SYN3: variants seen among roughly 807,000 people sequenced by gnomAD.
The protein encoded by SYN3 is synapsin III, also known as synapsin-3.
A neutral mutation model predicts 65.8 loss-of-function variants in SYN3; 35 were observed. That is an observed-to-expected ratio of 0.53 (90% confidence interval 0.41 to 0.70). SYN3 has a LOEUF of 0.70. Among genes scored for constraint, SYN3 ranks in the 30% least tolerant of loss-of-function variants. The pLI, the probability that SYN3 is intolerant of heterozygous loss-of-function variation, is 0.00. For missense variants in SYN3, 680 were observed against 749.0 expected, an observed-to-expected ratio of 0.91 and a Z score of 1.08; for synonymous variants, 270 against 292.9, an observed-to-expected ratio of 0.92 and a Z score of 0.80.
intron 1 of SYN3, chr22:33,015,449 C>T (rs546966561): frequency 3.6e-4 from 96 of 264,784 alleles, no homozygotes; most frequent in African/African-American, 1.8e-3. Flanking sequence ...ATTCAGATAT[C>T]AACAAAAACT....
At chr22:32,949,853 A>G (rs527959181) in intron 3 of SYN3, among the ~76,000 whole-genome samples, 1 of 152,312 alleles carries the variant, frequency 6.6e-6, no homozygotes, top group South Asian at 2.1e-4. Context: ...GACGTGGATG[A>G]CTGACTGGAA....
At chr22:32,751,157 C>T (rs766645105) in intron 6 of SYN3, among the ~76,000 whole-genome samples, 3 of 151,932 alleles carry the variant, frequency 2.0e-5, no homozygotes, top group Non-Finnish European at 2.9e-5. Flanking sequence ...CCAGGAGGGA[C>T]GCTGGTGAGT....
intron 1 of SYN3, among the ~76,000 whole-genome samples, chr22:33,016,709 GA>G: frequency 6.6e-6 from 1 of 152,216 alleles, no homozygotes; most frequent in Middle Eastern, 3.4e-3. Context: ...CTTCTTTTGA[GA>G]AATGTCTATT....
intron 6 of SYN3, among the ~76,000 whole-genome samples, chr22:32,714,102 A>T (rs1165585963): frequency 6.6e-6 from 1 of 152,144 alleles, no homozygotes; most frequent in African/African-American, 2.4e-5. Flanking sequence ...GAATGCCTTT[A>T]GCTGATAAGG....
In SYN3 at chr22:33,025,197, C is replaced by T. The variant is rs111562436; in HGVS notation, c.-162-18373G>A. ...TACTGCCAGGCATGGTGGCTCACGC[C>T]TGTAATCCCAGCACTTTGGGAGGCC... is the stretch of plus-strand genomic sequence containing the variant. On this transcript the variant is annotated intron_variant, in intron 1 of 13. Transcript: ENST00000358763. Among the ~76,000 whole-genome samples, 601 of 152,140 alleles carry T rather than the reference C, an allele frequency of 4.0e-3. 3 individuals are homozygous for T. The highest frequency in any genetic ancestry group is 0.014 in the African/African-American group (577 of 41,514).
At chr22:32,878,579 C>G (rs1321538797) in intron 4 of SYN3, among the ~76,000 whole-genome samples, 1 of 152,182 alleles carries the variant, frequency 6.6e-6, no homozygotes, top group African/African-American at 2.4e-5. Flanking sequence ...AAGCAGGTAC[C>G]ACCATGGTTG....
intron 6 of SYN3, among the ~76,000 whole-genome samples, chr22:32,679,768 A>G (rs1037449145): frequency 1.6e-4 from 21 of 127,578 alleles, no homozygotes; most frequent in African/African-American, 6.2e-4. Flanking sequence ...AGCCATTTGT[A>G]TGTCTTCTTT....
At chr22:32,685,998 A>G (rs903628397) in intron 6 of SYN3, among the ~76,000 whole-genome samples, 4 of 152,246 alleles carry the variant, frequency 2.6e-5, no homozygotes, top group African/African-American at 7.2e-5. Context: ...ATATGATCCC[A>G]ATTTTATCAA....
At chr22:32,943,451 A>C (rs2146773820) in intron 3 of SYN3, among the ~76,000 whole-genome samples, 1 of 152,374 alleles carries the variant, frequency 6.6e-6, no homozygotes, top group East Asian at 1.9e-4. Flanking sequence ...AGGAAGCACT[A>C]AACATGGAAA....
At chr22:32,531,789 T>C (rs2710371) in intron 10 of SYN3, among the ~76,000 whole-genome samples, 2,673 of 115,504 alleles carry the variant, frequency 0.023, 53 homozygotes, top group African/African-American at 0.062. Context: ...GAAACAACTC[T>C]GCAATGTTTC....
rs199698408 is a variant in SYN3, at chr22:32,869,093, C to T, written c.494G>A (p.Arg165His). Residue 165 changes from arginine to histidine, a missense_variant, in exon 5 of 14, where the codon CGC (arginine) becomes CAC (histidine). Arg to His is a conservative substitution (Grantham distance 29). Transcript: ENST00000358763. Reference protein sequence around the residue: ...RSFKPDFILVRQHAYSMALGE... With the variant: ...RSFKPDFILVHQHAYSMALGE... ...CAGGGCCATGCTGTAGGCATGCTGGCGGACCAGGATGAAGTCTGGCTTGAA... is the reference window on the plus strand; with the variant it reads ...CAGGGCCATGCTGTAGGCATGCTGGTGGACCAGGATGAAGTCTGGCTTGAA... The T allele has an allele frequency of 1.4e-5, 23 of 1,613,556 alleles. No homozygotes were observed. The highest frequency in any genetic ancestry group is 1.4e-5 in the Non-Finnish European group (17 of 1,179,740).
chr22:33,044,233 C>T (rs927980947), intron 1 of SYN3, among the ~76,000 whole-genome samples: 3 of 152,164 alleles, frequency 2.0e-5, no homozygotes, highest in Non-Finnish European at 2.9e-5. Context: ...AGGTACAGTG[C>T]GTTCTTCCAC....
chr22:32,905,607 A>G (rs1316483021), intron 4 of SYN3, among the ~76,000 whole-genome samples: 1 of 152,230 alleles, frequency 6.6e-6, no homozygotes, highest in African/African-American at 2.4e-5. Flanking sequence ...GCATGATTCT[A>G]TCTGGTTAAA....
At chr22:32,909,887 T>C (rs2050007415) in intron 4 of SYN3, among the ~76,000 whole-genome samples, 1 of 152,110 alleles carries the variant, frequency 6.6e-6, no homozygotes, top group South Asian at 2.1e-4. Flanking sequence ...GGGGCACCTG[T>C]CAGCATTTGC....
chr22:32,787,060 T>A (rs1008058935), intron 6 of SYN3, among the ~76,000 whole-genome samples: 1 of 834 alleles, frequency 1.2e-3, no homozygotes, highest in African/African-American at 0.023. Context: ...TTTCTTTTCT[T>A]TTTTTTTTTT....
chr22:32,700,208 C>G (rs1198389821), intron 6 of SYN3, among the ~76,000 whole-genome samples: 1 of 152,172 alleles, frequency 6.6e-6, no homozygotes, highest in Non-Finnish European at 1.5e-5. Flanking sequence ...ACTATGGAGA[C>G]TATAAGAGTC....
At chr22:32,925,409 G>A (rs766865474) in intron 4 of SYN3, among the ~76,000 whole-genome samples, 1 of 152,214 alleles carries the variant, frequency 6.6e-6, no homozygotes, top group Non-Finnish European at 1.5e-5. Context: ...TTTTCCAGGG[G>A]AGCATAATTC....
chr22:32,986,011 C>T (rs1167155267), intron 2 of SYN3, among the ~76,000 whole-genome samples: 1 of 152,102 alleles, frequency 6.6e-6, no homozygotes, highest in African/African-American at 2.4e-5. Flanking sequence ...TGTCATTACA[C>T]ATCACTTAGC....
chr22:32,961,948 C>T (rs936506234), intron 3 of SYN3, among the ~76,000 whole-genome samples: 11 of 152,080 alleles, frequency 7.2e-5, no homozygotes, highest in African/African-American at 2.4e-4. Context: ...CCCCAGGTAA[C>T]AGGAGGCAAA....
Sources: gnomAD v4.1 joint callset for allele counts (sites outside exome capture counted in the v4.1 genomes callset) on GRCh38, gnomAD v4.1.1 for gene constraint, MANE v1.5 for transcripts, NCBI Gene and HGNC (gene_info 2026-07-23, HGNC 2026-07-21) for gene names.